MUC5B: variants seen among roughly 807,000 people sequenced by gnomAD.
MUC5B encodes mucin 5B, oligomeric mucus/gel-forming.
A neutral mutation model predicts 376.9 loss-of-function variants in MUC5B; 116 were observed. That is an observed-to-expected ratio of 0.31 (90% CI 0.26 to 0.36). MUC5B has a LOEUF of 0.36. Among genes scored for constraint, MUC5B ranks in the 10% least tolerant of loss-of-function variants. The pLI is 1.00. For missense variants in MUC5B, 7,165 were observed against 7,769.9 expected (o/e 0.92, Z 2.93); for synonymous variants, 3,517 against 3,390.9 (o/e 1.04, Z -1.29).
Position 1,242,048 on chromosome 11 carries a change from C to T in MUC5B, c.5168C>T (p.Ala1723Val). The part of the protein sequence containing the change: ...QPPTLAPTTM[A>V]TSRARPTGTA... ...CCCACGCTGGCCCCAACAACAATGG[C>T]AACCTCCAGAGCTCGCCCGACAGGC... The change falls in exon 31 of 49, where the codon GCA becomes GTA. Residue 1723 changes from alanine to valine, a missense_variant. This residue lies in a region of MUC5B where 897 missense variants were observed against 779.6 expected (regional missense o/e 1.15). Coordinates refer to ENST00000529681, the MANE Select transcript of MUC5B (RefSeq NM_002458.3). 1 of 1,594,362 alleles carries T rather than the reference C, an allele frequency of 6.3e-7. No homozygotes were observed. Among genetic ancestry groups the T allele is most frequent in the Non-Finnish European group, 8.5e-7 (1 of 1,171,164 alleles).
chr11:1,237,003 G>T lies in MUC5B; in HGVS notation c.3136G>T (p.Gly1046Trp). ...TGCCACGCGTAGCCGGTCCGTGGTGGGGGACGCACTGGAGTTTGGGAACAG... is the reference window on the plus strand; with the variant it reads ...TGCCACGCGTAGCCGGTCCGTGGTGTGGGACGCACTGGAGTTTGGGAACAG... ...DFATRSRSVV[G>W]DALEFGNSWK... Residue 1046 changes from glycine to tryptophan, a missense_variant, in exon 25 of 49, where the codon GGG becomes TGG. Coordinates refer to ENST00000529681, the MANE Select transcript of MUC5B (RefSeq NM_002458.3). 1 of 1,574,656 alleles carries T rather than the reference G, an allele frequency of 6.4e-7. No homozygotes were observed. Among genetic ancestry groups the T allele is most frequent in the Non-Finnish European group, 8.6e-7 (1 of 1,159,936 alleles).
rs1862685269 is a variant in MUC5B at position 1,251,346 on chromosome 11, G to T, written c.14466G>T (p.Leu4822=). The change falls in exon 31 of 49, where the codon CTG becomes CTT. Residue 4822 remains leucine, a synonymous_variant. Coordinates refer to ENST00000529681, the MANE Select transcript of MUC5B (RefSeq NM_002458.3). ...GGACGACCCGGATCCTCACTGAGCT[G>T]ACCACAACAGCCACTACAACTGCAG... ...TLGTTRILTE[L]TTTATTTAAT... is the part of the protein sequence containing the mutation. The T allele has an allele frequency of 6.2e-7, 1 of 1,611,322 alleles. No homozygotes were observed. The highest frequency in any genetic ancestry group is 2.2e-5 in the East Asian group (1 of 44,854).
rs754351094 is a variant in MUC5B, at chr11:1,233,051, G to A, written c.2104G>A (p.Ala702Thr). 2.1e-5 allele frequency: 34 copies of A among 1,603,658 alleles called. No individual in the cohort carries two copies. Among genetic ancestry groups the A allele is most frequent in the East Asian group, 1.8e-4 (8 of 44,766 alleles). ...GAACTGCCCCAAGTCCCAGCGCTAC[G>A]CCTACGTGGTGGATGCCTGCCAGCC... ...MQNCPKSQRY[A>T]YVVDACQPTC... Residue 702 changes from alanine (A) to threonine (T), a missense_variant, in exon 18 of 49, where the codon GCC becomes ACC. By Grantham distance (58) the Ala-to-Thr change is moderately conservative. Around this residue, in one of 31 missense-constraint regions of MUC5B, gnomAD observed 530 missense variants for 604.0 expected, o/e 0.88. Coordinates refer to ENST00000529681, the MANE Select transcript of MUC5B (RefSeq NM_002458.3).
Position 1,242,269 on chromosome 11 carries a change from G to T in MUC5B, c.5389G>T (p.Asp1797Tyr). ...KCEWTEWFDV[D>Y]FPTSGVAGGD... ...TGAGTGGACAGAGTGGTTTGACGTG[G>T]ACTTCCCAACCTCAGGGGTTGCAGG... Residue 1797 changes from aspartate (D) to tyrosine (Y), a missense_variant, in exon 31 of 49, where the codon GAC (aspartate) becomes TAC (tyrosine). Physicochemically the swap from Asp to Tyr is radical, Grantham distance 160. This residue lies in a region of MUC5B where 897 missense variants were observed against 779.6 expected (regional missense o/e 1.15). Transcript: ENST00000529681. The T allele has an allele frequency of 6.2e-7, 1 of 1,613,928 alleles. No individual in the cohort carries two copies. Among genetic ancestry groups the T allele is most frequent in the Non-Finnish European group, 8.5e-7 (1 of 1,179,886 alleles).
chr11:1,236,464 C>A lies in MUC5B; in HGVS notation c.2959C>A (p.Arg987Ser). 1 of 1,613,052 alleles carries A rather than the reference C, an allele frequency of 6.2e-7. No individual in the cohort carries two copies. The highest frequency in any genetic ancestry group is 8.5e-7 in the Non-Finnish European group (1 of 1,179,814). The stretch of plus-strand genomic sequence containing the variant: ...GGGTGGGGACCCACCCTACAAGATA[C>A]GCTACATGGGGATCTTCCTGGTCAT... ...GPGGDPPYKI[R>S]YMGIFLVIET... Residue 987 changes from arginine (R) to serine (S), a missense_variant, in exon 24 of 49, where the codon CGC becomes AGC. Around this residue, in one of 31 missense-constraint regions of MUC5B, gnomAD observed 530 missense variants for 604.0 expected, o/e 0.88. Coordinates refer to ENST00000529681, the MANE Select transcript of MUC5B (RefSeq NM_002458.3).
At position 1,241,550 on chromosome 11, in the gene MUC5B, G is replaced by A; in HGVS notation, c.4670G>A (p.Trp1557Ter). 1 of 1,612,616 alleles carries A rather than the reference G, an allele frequency of 6.2e-7. No homozygotes were observed. The highest frequency in any genetic ancestry group is 8.5e-7 in the Non-Finnish European group (1 of 1,179,462). The change falls in exon 31 of 49, where the codon TGG becomes TAG. Residue 1557 changes from tryptophan (W) to a stop codon, truncating the protein, a stop_gained. Coordinates refer to ENST00000529681, the MANE Select transcript of MUC5B (RefSeq NM_002458.3). LOFTEE classifies it high-confidence loss of function. ...TGCCAGGCCGAGAGCTTCCCCAACTGGACCCTGGCACAGGTGGGGCAGAAG... is the reference window on the plus strand; with the variant it reads ...TGCCAGGCCGAGAGCTTCCCCAACTAGACCCTGGCACAGGTGGGGCAGAAG... ...IECQAESFPN[W>*]TLAQVGQKVH...
In MUC5B at chr11:1,250,673, C is replaced by G. The variant is rs751017527; in HGVS notation, c.13793C>G (p.Thr4598Ser). The G allele has an allele frequency of 1.9e-6, 3 of 1,612,402 alleles. No homozygotes were observed. The highest frequency in any genetic ancestry group is 2.5e-6 in the Non-Finnish European group (3 of 1,178,942). The change falls in exon 31 of 49, where the codon ACC (threonine) becomes AGC (serine). Residue 4598 changes from threonine (T) to serine (S), a missense_variant. Thr to Ser is a moderately conservative substitution (Grantham distance 58, BLOSUM62 1). Transcript: ENST00000529681. ...AHTTKVPTTTTTGFTATPSSS... is the reference protein window; with the variant it reads ...AHTTKVPTTTSTGFTATPSSS... ...ACTACCAAAGTGCCGACTACCACAA[C>G]CACGGGCTTCACAGCCACCCCCTCC...
rs771621930 is a variant in MUC5B at position 1,242,069 on chromosome 11, C to A, written c.5189C>A (p.Thr1730Lys). The A allele has an allele frequency of 1.4e-5, 22 of 1,606,692 alleles. No homozygotes were observed. Among genetic ancestry groups the A allele is most frequent in the Non-Finnish European group, 1.7e-5 (20 of 1,177,046 alleles). Residue 1730 changes from threonine (T) to lysine (K), a missense_variant, in exon 31 of 49, where the codon ACA becomes AAA. By Grantham distance (78) the Thr-to-Lys change is moderately conservative. Coordinates refer to ENST00000529681, the MANE Select transcript of MUC5B (RefSeq NM_002458.3). ...ATGGCAACCTCCAGAGCTCGCCCGACAGGCACAGCCAGCACCGCTTCCAAA... is the reference window on the plus strand; with the variant it reads ...ATGGCAACCTCCAGAGCTCGCCCGAAAGGCACAGCCAGCACCGCTTCCAAA... ...TTMATSRARP[T>K]GTASTASKEP...
chr11:1,230,535 T>G lies in MUC5B; in HGVS notation c.1405T>G (p.Cys469Gly), dbSNP rs773613265. The change falls in exon 12 of 49, where the codon TGC becomes GGC. Residue 469 changes from cysteine (C) to glycine (G), a missense_variant. Transcript: ENST00000529681. The stretch of plus-strand genomic sequence containing the variant: ...CACCGTGCTGGCTGAGCTGCGGAAG[T>G]GCGGCCTGACGGACAACGAGAACTG... Reference protein sequence around the residue: ...SFTVLAELRKCGLTDNENCLK... With the variant: ...SFTVLAELRKGGLTDNENCLK... 6.2e-7 allele frequency: 1 copy of G among 1,611,590 alleles called. No homozygotes were observed. Among genetic ancestry groups the G allele is most frequent in the Non-Finnish European group, 8.5e-7 (1 of 1,179,188 alleles).
Position 1,231,851 on chromosome 11 carries a change from C to T in MUC5B, c.1679-145C>T. Reference sequence around the variant, plus strand: ...TGCACAGGGGCGCCCCCCGCCAGGGCTTATCTGCAGAGGGTTCTGGGAGCA... The same window carrying T: ...TGCACAGGGGCGCCCCCCGCCAGGGTTTATCTGCAGAGGGTTCTGGGAGCA... On this transcript the variant is annotated intron_variant, in intron 14 of 48. Coordinates refer to ENST00000529681, the MANE Select transcript of MUC5B (RefSeq NM_002458.3). 5 of 1,201,446 alleles carry T rather than the reference C, an allele frequency of 4.2e-6. No homozygotes were observed. In the South Asian group the frequency reaches 6.2e-5, roughly 15 times the overall value. The allele number at this position is 1,201,446 out of a possible 1,614,324, so 74.4% of individuals were successfully genotyped here. A position where few individuals can be genotyped will look rare whatever the true frequency, so the allele number is the denominator to read the frequency against.
Position 1,234,817 on chromosome 11 carries a change from G to A in MUC5B, c.2630+137G>A. ...GCTGGCCAGGGTGAGGTGGGGCCGT[G>A]GCAGGAGAGAGAGTTGCTAGGAAAG... On this transcript the variant is annotated intron_variant, in intron 21 of 48. Coordinates refer to ENST00000529681, the MANE Select transcript of MUC5B (RefSeq NM_002458.3). This position sits in a 1 kb window ranked among gnomAD's most constrained non-coding sequence, Gnocchi z 6.3. 8.7e-7 allele frequency: 1 copy of A among 1,154,792 alleles called. No individual in the cohort carries two copies. Among genetic ancestry groups the A allele is most frequent in the Non-Finnish European group, 1.2e-6 (1 of 840,806 alleles). 71.5% of individuals were successfully genotyped at this position (1,154,792 alleles called of 1,614,324 possible).
In MUC5B at chr11:1,261,527, C is replaced by G. The variant is rs750701957; in HGVS notation, c.17208C>G (p.Gly5736=). 1.9e-6 allele frequency: 3 copies of G among 1,607,282 alleles called. No individual in the cohort carries two copies. The highest frequency in any genetic ancestry group is 2.5e-6 in the Non-Finnish European group (3 of 1,177,798). Reference sequence around the variant, plus strand: ...CCTACACCCACGTGGATGAGTGTGGCTGCACGCCCTTCTGTGTCCCTGCGC... The same window carrying G: ...CCTACACCCACGTGGATGAGTGTGGGTGCACGCCCTTCTGTGTCCCTGCGC... The part of the protein sequence containing the change: ...LHTYTHVDEC[G]CTPFCVPAPM... Residue 5736 remains glycine, a synonymous_variant, in exon 49 of 49, where the codon GGC becomes GGG. Coordinates refer to ENST00000529681, the MANE Select transcript of MUC5B (RefSeq NM_002458.3).
At position 1,254,809 on chromosome 11, in the gene MUC5B, C is replaced by T. The variant is rs755261654; in HGVS notation, c.15593C>T (p.Thr5198Ile). ...VDIPALGVSV[T>I]FNGQVFQARL... is the part of the protein sequence containing the mutation. ...ATTCCTGCCCTGGGCGTGAGCGTCA[C>T]CTTCAATGGCCAAGTCTTCCAGGCC... Residue 5198 changes from threonine to isoleucine, a missense_variant, in exon 35 of 49, where the codon ACC becomes ATC. Coordinates refer to ENST00000529681, the MANE Select transcript of MUC5B (RefSeq NM_002458.3). 2 of 1,612,736 alleles carry T rather than the reference C, an allele frequency of 1.2e-6. No homozygotes were observed. Among genetic ancestry groups the T allele is most frequent in the Non-Finnish European group, 1.7e-6 (2 of 1,179,808 alleles).
At position 1,234,951 on chromosome 11, in the gene MUC5B, T is replaced by C; in HGVS notation, c.2631-134T>C. On this transcript the variant is annotated intron_variant, in intron 21 of 48. Coordinates refer to ENST00000529681, the MANE Select transcript of MUC5B (RefSeq NM_002458.3). The surrounding 1 kb of genome is among the most constrained non-coding windows in gnomAD (Gnocchi z 6.3). ...ATTCACAGTGGGGGACACCACTTCTTCCACGGAGGAGGGGTCAGGCTGGGC... is the reference window on the plus strand; with the variant it reads ...ATTCACAGTGGGGGACACCACTTCTCCCACGGAGGAGGGGTCAGGCTGGGC... 7.8e-7 allele frequency: 1 copy of C among 1,284,278 alleles called. No individual in the cohort carries two copies. The highest frequency in any genetic ancestry group is 1.0e-6 in the Non-Finnish European group (1 of 960,166). The allele number at this position is 1,284,278 out of a possible 1,614,324, so 79.6% of individuals were successfully genotyped here.
At chr11:1,232,317 AC>A (rs1862045819) in intron 15 of MUC5B, 132 bp from the exon 16 acceptor site, 13 of 1,340,616 alleles carry the variant, frequency 9.7e-6, no homozygotes, top group South Asian at 7.1e-5. Context: ...GGCGGCCAGA[AC>A]CCCCCAAGGC....
In MUC5B at chr11:1,249,179, C is replaced by A; in HGVS notation, c.12299C>A (p.Ala4100Asp). 2 of 1,611,530 alleles carry A rather than the reference C, an allele frequency of 1.2e-6. No individual in the cohort carries two copies. Among genetic ancestry groups the A allele is most frequent in the Non-Finnish European group, 1.7e-6 (2 of 1,179,574 alleles). ...GCCACCTCCAGGACCACGGCCACGGCCACACCCAGCAAGACCCGCACCTCG... is the reference window on the plus strand; with the variant it reads ...GCCACCTCCAGGACCACGGCCACGGACACACCCAGCAAGACCCGCACCTCG... ...TTATSRTTAT[A>D]TPSKTRTSTL... Residue 4100 changes from alanine to aspartate, a missense_variant, in exon 31 of 49, where the codon GCC becomes GAC. Physicochemically the swap from Ala to Asp is moderately radical, Grantham distance 126. Transcript: ENST00000529681.
At chr11:1,233,326 C>G in intron 18 of MUC5B, 58 bp downstream of exon 18, 3 of 1,453,882 alleles carry the variant, frequency 2.1e-6, no homozygotes, top group African/African-American at 1.4e-5. Flanking sequence ...ACTTCCCGCC[C>G]TCCCCGAAGG....
chr11:1,230,431 TG>T (rs1564932590), intron 11 of MUC5B, 58 bp from the exon 12 acceptor site: 3 of 1,469,918 alleles, frequency 2.0e-6, no homozygotes, highest in South Asian at 1.3e-5. Context: ...AGCACACTTC[TG>T]GGGGGCACCC....
chr11:1,229,890 T>G (rs1331903393), intron 10 of MUC5B, 83 bp downstream of exon 10: 2 of 1,541,426 alleles, frequency 1.3e-6, no homozygotes, highest in African/African-American at 1.4e-5. Context: ...CTGCCTGGGG[T>G]GGGGGTGTGG....
Sources: allele counts gnomAD v4.1 joint callset, GRCh38; gene constraint gnomAD v4.1.1; regional missense constraint gnomAD v4.1.1; non-coding constraint Gnocchi (gnomAD v3.1); transcripts MANE v1.5; gene names NCBI Gene and HGNC (gene_info 2026-07-23, HGNC 2026-07-21).